The following CWC25 variants were observed in gnomAD, a reference collection of about 807,000 sequenced individuals.
The protein encoded by CWC25 is pre-mRNA-splicing factor CWC25 homolog.
Under a neutral mutation model 54.6 loss-of-function variants are expected in CWC25, and 31 were observed. The ratio of observed to expected loss-of-function variants is 0.57; its 90% CI spans 0.43 to 0.77. The LOEUF (loss-of-function observed/expected upper bound fraction) is 0.77. CWC25 is among the 30% of genes least tolerant of loss of function. CWC25 has a pLI of 0.00. For missense variants in CWC25, 453 were observed against 529.3 expected (o/e 0.86, Z 1.41); for synonymous variants, 151 against 187.0 (o/e 0.81, Z 1.57).
chr17:38,807,628 C>T lies in CWC25; in HGVS notation c.691-652G>A, dbSNP rs1393348191. 2.9e-5 allele frequency among the ~76,000 whole-genome samples: 4 copies of T among 138,582 alleles called. 1 individual carries two copies. Among genetic ancestry groups the T allele is most frequent in the Non-Finnish European group, 6.3e-5 (4 of 63,076 alleles). 90.9% of individuals were successfully genotyped at this position (138,582 alleles called of 152,430 possible). Reference sequence around the variant, plus strand: ...AAAATTAGCTCGGTGTGGCAGCACACGCCTGTAGTCCCAGCTACTCAGGAG... The same window carrying T: ...AAAATTAGCTCGGTGTGGCAGCACATGCCTGTAGTCCCAGCTACTCAGGAG... On this transcript the variant is annotated intron_variant, in intron 6 of 9. Coordinates refer to ENST00000614790, the MANE Select transcript of CWC25 (RefSeq NM_017748.5).
intron 6 of CWC25, among the ~76,000 whole-genome samples, chr17:38,808,319 T>C (rs1396454012): frequency 7.3e-6 from 1 of 136,290 alleles, no homozygotes; most frequent in East Asian, 2.2e-4. Flanking sequence ...GAGGCAGAGG[T>C]TGCAGTGAGC....
At chr17:38,823,099 A>T (rs1325504868) in intron 1 of CWC25, among the ~76,000 whole-genome samples, 1 of 151,506 alleles carries the variant, frequency 6.6e-6, no homozygotes, top group African/African-American at 2.4e-5. Flanking sequence ...TGGCCTCCCA[A>T]AGTGCTAGGA....
intron 1 of CWC25, among the ~76,000 whole-genome samples, chr17:38,821,329 G>C (rs1911915506): frequency 6.6e-6 from 1 of 152,158 alleles, no homozygotes; most frequent in South Asian, 2.1e-4. Flanking sequence ...GGGAGGCGGA[G>C]GCGGGAAGAT....
chr17:38,810,203 C>T (rs1217745481), intron 5 of CWC25: 1 of 503,586 alleles, frequency 2.0e-6, no homozygotes, highest in Non-Finnish European at 3.5e-6. Context: ...TCTGACCTAC[C>T]TAAGACCTAC....
rs972160191 is a variant in CWC25, at chr17:38,821,797, T to G, written c.19-724A>C. 7.4e-3 allele frequency among the ~76,000 whole-genome samples: 1,042 copies of G among 140,286 alleles called. 13 individuals are homozygous for G. Among genetic ancestry groups the G allele is most frequent in the African/African-American group, 0.028 (983 of 35,446 alleles). The allele number at this position is 140,286 out of a possible 152,430, so 92.0% of individuals were successfully genotyped here. A position where few individuals can be genotyped will look rare whatever the true frequency, so the allele number is the denominator to read the frequency against. ...ACATTCATTCTTTTTTTTTTTTTTT[T>G]AAAGTCTTACTCTGTCACCCAGGCT... On this transcript the variant is annotated intron_variant, in intron 1 of 9. Coordinates refer to ENST00000614790, the MANE Select transcript of CWC25 (RefSeq NM_017748.5).
At chr17:38,812,321 C>T (rs1375843155) in intron 4 of CWC25, among the ~76,000 whole-genome samples, 1 of 152,174 alleles carries the variant, frequency 6.6e-6, no homozygotes, top group Non-Finnish European at 1.5e-5. Context: ...GCTTAGCCCA[C>T]ACTCTTCTTC....
At chr17:38,806,713 G>T in intron 7 of CWC25, 52 bp downstream of exon 7, 2 of 1,460,750 alleles carry the variant, frequency 1.4e-6, no homozygotes, top group Non-Finnish European at 9.2e-7. Context: ...AATGCCTGCT[G>T]GGACCAGGCC....
chr17:38,808,296 C>T (rs1911338010), intron 6 of CWC25, among the ~76,000 whole-genome samples: 1 of 134,368 alleles, frequency 7.4e-6, no homozygotes, highest in South Asian at 2.5e-4. Context: ...ACAGGAGAAT[C>T]ACTTGAATGC....
At chr17:38,824,410 G>A (rs942788298) in intron 1 of CWC25, among the ~76,000 whole-genome samples, 5 of 152,120 alleles carry the variant, frequency 3.3e-5, no homozygotes, top group African/African-American at 1.2e-4. Flanking sequence ...CCCAGGGCCG[G>A]GCGCTGTGGC....
intron 9 of CWC25, 146 bp downstream of exon 9, chr17:38,802,554 G>T: frequency 1.3e-6 from 1 of 787,348 alleles, no homozygotes; most frequent in Non-Finnish European, 2.0e-6. Flanking sequence ...CCCACTGTGT[G>T]GTCAGAAAGG....
intron 2 of CWC25, among the ~76,000 whole-genome samples, chr17:38,819,036 T>TATTC (rs982777496): frequency 1.8e-4 from 28 of 151,992 alleles, no homozygotes; most frequent in Admixed American, 2.6e-4. Context: ...TTTATTTATT[T>TATTC]ACTTAGAGGC....
At chr17:38,802,630 G>C in intron 9 of CWC25, 70 bp downstream of exon 9, 2 of 1,562,322 alleles carry the variant, frequency 1.3e-6, no homozygotes, top group South Asian at 1.2e-5. Context: ...ACTGGAACGG[G>C]AACCAGCTGC....
At chr17:38,808,037 C>A (rs1598069767) in intron 6 of CWC25, among the ~76,000 whole-genome samples, 1 of 111,668 alleles carries the variant, frequency 9.0e-6, no homozygotes, top group East Asian at 2.6e-4. Flanking sequence ...GCCTAGGCGA[C>A]AGAGTGAGAC....
In CWC25 at chr17:38,801,706, G is replaced by A. The variant is rs79575822; in HGVS notation, c.*386C>T. 2,021 of 163,896 alleles carry A rather than the reference G, an allele frequency of 0.012. 41 individuals are homozygous for A. Among genetic ancestry groups the A allele is most frequent in the African/African-American group, 0.045 (1,905 of 41,940 alleles). 10.2% of individuals were successfully genotyped at this position (163,896 alleles called of 1,614,324 possible). On this transcript the variant is annotated 3_prime_UTR_variant, in exon 10 of 10. Coordinates refer to ENST00000614790, the MANE Select transcript of CWC25 (RefSeq NM_017748.5). ...TTGTCTCAGTAAGCACAATCTATCT[G>A]GGTGACACCAGAGAGGTTTCTGAAG...
At chr17:38,817,611 A>G (rs1911754282) in intron 2 of CWC25, among the ~76,000 whole-genome samples, 1 of 151,536 alleles carries the variant, frequency 6.6e-6, no homozygotes, top group Admixed American at 6.6e-5. Context: ...ACATGGTGAA[A>G]CCCTGTCTCT....
chr17:38,823,328 TTTTG>T (rs1391442269), intron 1 of CWC25, among the ~76,000 whole-genome samples: 1 of 151,282 alleles, frequency 6.6e-6, no homozygotes, highest in Non-Finnish European at 1.5e-5. Context: ...CCCAGCTAAT[TTTTG>T]TATTTTTAGT....
At chr17:38,809,627 C>T (rs892651036) in intron 6 of CWC25, 75 bp downstream of exon 6, 83 of 1,424,642 alleles carry the variant, frequency 5.8e-5, no homozygotes, top group Non-Finnish European at 7.1e-5. Flanking sequence ...TGCCCACCTC[C>T]CTGCTATCCA....
At chr17:38,802,661 T>C (rs759527100) in intron 9 of CWC25, 39 bp downstream of exon 9, 2 of 1,609,824 alleles carry the variant, frequency 1.2e-6, no homozygotes, top group South Asian at 2.2e-5. Flanking sequence ...CTTAAGACCT[T>C]CCCCATGAAA....
intron 8 of CWC25, 66 bp downstream of exon 8, chr17:38,806,231 A>G (rs1211759227): frequency 1.8e-5 from 25 of 1,353,016 alleles, no homozygotes; most frequent in Non-Finnish European, 2.4e-5. Context: ...TCCATTTGCC[A>G]TGGTTTGAGC....
Sources: gnomAD v4.1 joint callset for allele counts (sites outside exome capture counted in the v4.1 genomes callset) on GRCh38, gnomAD v4.1.1 for gene constraint, MANE v1.5 for transcripts, NCBI Gene and HGNC (gene_info 2026-07-23, HGNC 2026-07-21) for gene names.